Variants in USP36 observed in about 807,000 individuals in gnomAD.
The protein encoded by USP36 is ubiquitin specific peptidase 36.
A neutral mutation model predicts 111.5 loss-of-function variants in USP36; 59 were observed. The observed-to-expected ratio is 0.53, with a 90% CI of 0.43 to 0.66. The LOEUF (loss-of-function observed/expected upper bound fraction) is 0.66, where lower values mean the gene tolerates loss of function less well. Ranked by LOEUF, USP36 falls within the 30% of genes least tolerant of loss-of-function variation. The probability of loss-of-function intolerance (pLI) is 0.00; values close to 1 mark genes in which losing one functional copy is unlikely to be tolerated. For synonymous variants in USP36, 628 were observed against 581.0 expected, an observed-to-expected ratio of 1.08 and a Z score of -1.16; for missense variants, 1,488 against 1,468.0, an observed-to-expected ratio of 1.01 and a Z score of -0.22.
intron 5 of USP36, 81 bp from the exon 6 acceptor site, chr17:78,827,428 C>T: frequency 7.3e-7 from 1 of 1,374,678 alleles, no homozygotes; most frequent in Non-Finnish European, 1.0e-6. Flanking sequence ...AATGGCCATT[C>T]CTGGCTGTTA....
chr17:78,838,472 G>T (rs933841936), intron 2 of USP36, 115 bp downstream of exon 2: 1 of 150,156 alleles, frequency 6.7e-6, no homozygotes, highest in Non-Finnish European at 1.5e-5. Context: ...GAAAATAAAA[G>T]AGCCTTTTCT....
intron 4 of USP36, among the ~76,000 whole-genome samples, chr17:78,832,163 T>C (rs774304737): frequency 6.6e-6 from 1 of 152,192 alleles, no homozygotes; most frequent in African/African-American, 2.4e-5. Flanking sequence ...AGGACTGAAC[T>C]GCGTTCCTCC....
At chr17:78,813,425 TC>T (rs1282906190) in intron 12 of USP36, among the ~76,000 whole-genome samples, 1 of 152,084 alleles carries the variant, frequency 6.6e-6, no homozygotes, top group African/African-American at 2.4e-5. Flanking sequence ...AACACGTCCT[TC>T]CCAGCATATC....
chr17:78,791,295 C>T (rs543159589), downstream of USP36, among the ~76,000 whole-genome samples: 3 of 152,128 alleles, frequency 2.0e-5, no homozygotes, highest in Non-Finnish European at 4.4e-5. Flanking sequence ...CCACCATGCC[C>T]GGCTGATTTT....
downstream of USP36, chr17:78,791,725 G>A (rs1280549977): frequency 6.6e-6 from 1 of 152,204 alleles, no homozygotes; most frequent in Non-Finnish European, 1.5e-5. Context: ...ACAAAATAGA[G>A]GAGACTATTT....
At chr17:78,821,470 C>G (rs1402922391) in intron 7 of USP36, 3 of 123,596 alleles carry the variant, frequency 2.4e-5, no homozygotes, top group Non-Finnish European at 4.8e-5. Flanking sequence ...CTCTGTCACT[C>G]AGGCTGGAGT....
intron 8 of USP36, among the ~76,000 whole-genome samples, chr17:78,820,718 C>T (rs1455650892): frequency 6.6e-6 from 1 of 152,172 alleles, no homozygotes; most frequent in African/African-American, 2.4e-5. Context: ...ACAACAGACT[C>T]TCCTCAAGCC....
intron 4 of USP36, among the ~76,000 whole-genome samples, chr17:78,832,529 C>T (rs2068241657): frequency 2.0e-5 from 3 of 152,266 alleles, no homozygotes; most frequent in Admixed American, 2.0e-4. Context: ...GGCTGCCTTA[C>T]TCACACGCTT....
At chr17:78,800,300 A>T (rs1210349234) in intron 17 of USP36, among the ~76,000 whole-genome samples, 1 of 152,126 alleles carries the variant, frequency 6.6e-6, no homozygotes, top group Non-Finnish European at 1.5e-5. Flanking sequence ...GGTGGAGGGA[A>T]CGGCCAAGCT....
chr17:78,836,220 G>A lies in USP36; in HGVS notation c.144C>T (p.Ser48=). ...QKIEFEPASK[S]FSYQLEALKS... is the part of the protein sequence containing the mutation. ...TTAAGGCCTCCAGCTGGTAGGAGAA[G>A]CTCTTGCTGGCTGGCTCGAACTCGA... Residue 48 remains serine (S), a synonymous_variant, in exon 3 of 21, where the codon AGC becomes AGT. Coordinates refer to ENST00000449938, the MANE Select transcript of USP36 (RefSeq NM_001385174.1). The A allele has an allele frequency of 6.2e-7, 1 of 1,614,154 alleles. No individual in the cohort carries two copies.
At chr17:78,841,232 C>G (rs1479019092), upstream of USP36, 2 of 152,304 alleles carry the variant, frequency 1.3e-5, no homozygotes, top group Non-Finnish European at 2.9e-5. Context: ...CGCTGTCTCC[C>G]GGGCAGGGAG....
Position 78,821,857 on chromosome 17 carries a change from C to T in USP36, c.757+80G>A, listed in dbSNP as rs74833171. 4.8e-3 allele frequency: 7,306 copies of T among 1,527,780 alleles called. 310 individuals are homozygous for T. The East Asian group carries it at 0.11, about 23-fold the overall frequency. 94.6% of individuals were successfully genotyped at this position (1,527,780 alleles called of 1,614,324 possible). On this transcript the variant is annotated intron_variant, in intron 7 of 20. Coordinates refer to ENST00000449938, the MANE Select transcript of USP36 (RefSeq NM_001385174.1). ...CTGCACAGCGAAGAAAGAGCCCCAGCCTGCGTTCCAACTCTTAGGGTTTCC... is the reference window on the plus strand; with the variant it reads ...CTGCACAGCGAAGAAAGAGCCCCAGTCTGCGTTCCAACTCTTAGGGTTTCC...
chr17:78,806,136 G>T lies in USP36; in HGVS notation c.2216+20C>A, dbSNP rs1465989362. 2 of 1,612,264 alleles carry T rather than the reference G, an allele frequency of 1.2e-6. No individual in the cohort carries two copies. The highest frequency in any genetic ancestry group is 1.7e-6 in the Non-Finnish European group (2 of 1,179,668). On this transcript the variant is annotated intron_variant, in intron 15 of 20. Coordinates refer to ENST00000449938, the MANE Select transcript of USP36 (RefSeq NM_001385174.1). ...AGGGAGAACCAGTTGGCACCCAGAAGATCCCGGCCCAAAGCTTACCTGGCT... is the reference window on the plus strand; with the variant it reads ...AGGGAGAACCAGTTGGCACCCAGAATATCCCGGCCCAAAGCTTACCTGGCT...
rs572009070 is a variant in USP36 at position 78,812,697 on chromosome 17, GAAAAAAA to G, written c.1407+156_1407+162del. ...GGATGACAGAGCGAGACTCTGTCTC[GAAAAAAA>G]AAAAAAAAAAAAAAGAAAAGAAAAG... On this transcript the variant is annotated intron_variant, in intron 13 of 20. Transcript: ENST00000449938. 9.3e-4 allele frequency among the ~76,000 whole-genome samples: 49 copies of G among 52,654 alleles called. No individual in the cohort carries two copies. The East Asian group carries it at 9.5e-3, about 10-fold the overall frequency. 34.5% of individuals were successfully genotyped at this position (52,654 alleles called of 152,430 possible).
At chr17:78,804,477 A>C (rs1285615083) in intron 15 of USP36, among the ~76,000 whole-genome samples, 11 of 107,688 alleles carry the variant, frequency 1.0e-4, no homozygotes, top group Non-Finnish European at 2.0e-4. Context: ...AAAAAAACCA[A>C]AAAAACAAAA....
At chr17:78,819,507 C>T (rs1302308852) in intron 9 of USP36, among the ~76,000 whole-genome samples, 1 of 152,262 alleles carries the variant, frequency 6.6e-6, no homozygotes, top group East Asian at 1.9e-4. Flanking sequence ...GAAAACACTC[C>T]TTAAGAGGCA....
chr17:78,792,244 G>A (rs962829967), downstream of USP36, among the ~76,000 whole-genome samples: 3 of 152,144 alleles, frequency 2.0e-5, no homozygotes, highest in East Asian at 1.9e-4. Context: ...TTTTTAGGAT[G>A]GGAGATGCCT....
chr17:78,813,957 T>C, intron 11 of USP36, 84 bp from the exon 12 acceptor site: 1 of 1,168,056 alleles, frequency 8.6e-7, no homozygotes, highest in Non-Finnish European at 1.2e-6. Context: ...GAATAAAAAA[T>C]CTGTTAGTTG....
rs201194252 is a variant in USP36, at chr17:78,798,424, C to G, written c.3368G>C (p.Arg1123Pro). The change falls in exon 20 of 21, where the codon CGC becomes CCC. Residue 1123 changes from arginine (R) to proline (P), a missense_variant. Physicochemically the swap from Arg to Pro is moderately radical, Grantham distance 103 (BLOSUM62 -2). Transcript: ENST00000449938. The surrounding 1 kb of genome is among the most constrained non-coding windows in gnomAD (Gnocchi z 5.1). ...CCTCCTTCCACAGGGGCACAGTCAGCGGCGATAGCTGAGGCTGGCAGCCTT... is the reference window on the plus strand; with the variant it reads ...CCTCCTTCCACAGGGGCACAGTCAGGGGCGATAGCTGAGGCTGGCAGCCTT... ...PAKAASLSYR[R>P] 1.2e-6 allele frequency: 2 copies of G among 1,614,106 alleles called. No individual in the cohort carries two copies. Among genetic ancestry groups the G allele is most frequent in the Admixed American group, 3.3e-5 (2 of 60,016 alleles).
Sources: gnomAD v4.1 joint callset for allele counts (sites outside exome capture counted in the v4.1 genomes callset) on GRCh38, gnomAD v4.1.1 for gene constraint, Gnocchi (gnomAD v3.1) non-coding constraint, MANE v1.5 for transcripts, NCBI Gene and HGNC (gene_info 2026-07-23, HGNC 2026-07-21) for gene names.